Variants in ZNF469 observed in about 807,000 individuals in gnomAD.
ZNF469 encodes zinc finger protein 469.
A neutral mutation model predicts 1.0 loss-of-function variants in ZNF469; 1 was observed. The ratio of observed to expected loss-of-function variants is 1.00; its 90% confidence interval spans 0.35 to 4.73. The LOEUF is 4.73. Among genes scored for constraint, ZNF469 ranks in the 30% most tolerant of loss-of-function variants. The probability of loss-of-function intolerance (pLI) is 0.16; values close to 1 mark genes in which losing one functional copy is unlikely to be tolerated. For missense variants in ZNF469, 6,100 were observed against 5,356.3 expected (o/e 1.14, Z -4.33); for synonymous variants, 2,703 against 2,363.4 (o/e 1.14, Z -4.17).
At chr16:88,341,241 C>T in the ZNF469 span, among the ~76,000 whole-genome samples, 83 of 152,330 alleles carry the variant, frequency 5.4e-4, no homozygotes, top group African/African-American at 1.9e-3. Context: ...GTTCAATGCC[C>T]GCCTGGTGCA....
At chr16:88,177,673 A>G in the ZNF469 span, 1 of 152,090 alleles carries the variant, frequency 6.6e-6, no homozygotes, top group African/African-American at 2.4e-5. This position sits in a 1 kb window ranked among gnomAD's most constrained non-coding sequence, Gnocchi z 4.8. Flanking sequence ...CTCGCTCACC[A>G]GATTCCTCCT....
the ZNF469 span, among the ~76,000 whole-genome samples, chr16:88,355,805 G>C: frequency 6.6e-6 from 1 of 152,216 alleles, no homozygotes; most frequent in Admixed American, 6.5e-5. Context: ...CAGGAGGCAG[G>C]ATGGACCTGG....
the ZNF469 span, among the ~76,000 whole-genome samples, chr16:88,216,376 C>T: frequency 6.6e-6 from 1 of 151,986 alleles, no homozygotes; most frequent in Non-Finnish European, 1.5e-5. Context: ...TGCCTGTAGT[C>T]CCAGCTACTT....
At chr16:88,269,241 C>A in the ZNF469 span, among the ~76,000 whole-genome samples, 5 of 152,122 alleles carry the variant, frequency 3.3e-5, no homozygotes, top group African/African-American at 1.2e-4. Context: ...TTTCTCTGCG[C>A]CTTAGCTTCT....
At chr16:88,120,899 G>C in the ZNF469 span, among the ~76,000 whole-genome samples, 1 of 152,320 alleles carries the variant, frequency 6.6e-6, no homozygotes, top group African/African-American at 2.4e-5. Flanking sequence ...CCGAGGGTGG[G>C]AGGCCGTGTG....
At chr16:88,376,438 G>A in the ZNF469 span, among the ~76,000 whole-genome samples, 2 of 152,136 alleles carry the variant, frequency 1.3e-5, no homozygotes, top group South Asian at 2.1e-4. Context: ...CCCTCTCCTC[G>A]CCTGCCCCAG....
At position 88,429,499 on chromosome 16, in the gene ZNF469, G is replaced by C. The variant is rs1245325065; in HGVS notation, c.2029G>C (p.Gly677Arg). The part of the protein sequence containing the change: ...KAFPFPADGL[G>R]AEGAFQCLEE... ...CTTCCCTTTTCCCGCAGATGGGCTGGGAGCCGAGGGTGCCTTCCAGTGCCT... is the reference window on the plus strand; with the variant it reads ...CTTCCCTTTTCCCGCAGATGGGCTGCGAGCCGAGGGTGCCTTCCAGTGCCT... The change falls in exon 3 of 3, where the codon GGA becomes CGA. Residue 677 changes from glycine to arginine, a missense_variant. Coordinates refer to ENST00000565624, the MANE Select transcript of ZNF469 (RefSeq NM_001367624.2). 3.2e-6 allele frequency: 5 copies of C among 1,549,984 alleles called. No homozygotes were observed. The highest frequency in any genetic ancestry group is 3.5e-6 in the Non-Finnish European group (4 of 1,146,864).
At chr16:88,407,347 C>A (rs955471442) in intron 1 of ZNF469, among the ~76,000 whole-genome samples, 4 of 151,392 alleles carry the variant, frequency 2.6e-5, no homozygotes, top group African/African-American at 9.7e-5. Flanking sequence ...GCAGGGCTCA[C>A]GGTACCCTCT....
At chr16:88,193,117 ATGG>A in the ZNF469 span, among the ~76,000 whole-genome samples, 518 of 66,936 alleles carry the variant, frequency 7.7e-3, 6 homozygotes, top group Middle Eastern at 9.6e-3. Context: ...GGTGGTGGTG[ATGG>A]TGGTGGTGGT....
the ZNF469 span, among the ~76,000 whole-genome samples, chr16:88,259,983 GT>G: frequency 6.6e-5 from 10 of 151,026 alleles, no homozygotes; most frequent in Admixed American, 5.3e-4. The surrounding 1 kb of genome is among the most constrained non-coding windows in gnomAD (Gnocchi z 4.1). Flanking sequence ...TTGTTTTTTT[GT>G]TTTTTTGTTT....
chr16:88,375,238 C>G, the ZNF469 span, among the ~76,000 whole-genome samples: 1 of 152,368 alleles, frequency 6.6e-6, no homozygotes, highest in South Asian at 2.1e-4. Flanking sequence ...TCCATCCGGA[C>G]TCAGGCTGGG....
chr16:88,421,119 C>G (rs1333615683), intron 1 of ZNF469, among the ~76,000 whole-genome samples: 1 of 150,298 alleles, frequency 6.7e-6, no homozygotes, highest in East Asian at 2.0e-4. Flanking sequence ...GGAGGTGAGG[C>G]GAAGAGGGTT....
chr16:88,105,477 G>A, the ZNF469 span, among the ~76,000 whole-genome samples: 2 of 151,920 alleles, frequency 1.3e-5, no homozygotes, highest in African/African-American at 4.8e-5. Context: ...GCTAATTTTC[G>A]TATTTTTAGT....
chr16:88,391,438 A>T (rs1567498649), intron 1 of ZNF469, among the ~76,000 whole-genome samples: 2 of 152,234 alleles, frequency 1.3e-5, no homozygotes, highest in Non-Finnish European at 2.9e-5. Flanking sequence ...GCCCTGGGGA[A>T]CAGCGAATTC....
At chr16:88,280,850 C>T in the ZNF469 span, among the ~76,000 whole-genome samples, 3 of 145,520 alleles carry the variant, frequency 2.1e-5, no homozygotes, top group Admixed American at 6.8e-5. Context: ...GTGCTGGTGT[C>T]GGTGCACAGG....
chr16:88,210,800 A>G, the ZNF469 span, among the ~76,000 whole-genome samples: 1 of 152,162 alleles, frequency 6.6e-6, no homozygotes, highest in Admixed American at 6.5e-5. Flanking sequence ...TCGGTCCCAC[A>G]CTTTTTTCTC....
Position 88,432,183 on chromosome 16 carries a change from A to G in ZNF469, c.4713A>G (p.Leu1571=), listed in dbSNP as rs1296920730. The change falls in exon 3 of 3, where the codon TTA becomes TTG. Residue 1571 remains leucine (L), a synonymous_variant. Coordinates refer to ENST00000565624, the MANE Select transcript of ZNF469 (RefSeq NM_001367624.2). ...ELEIQKLVTE[L]ESQLQRSKDT... is the part of the protein sequence containing the mutation. ...AGATCCAGAAATTGGTCACCGAATT[A>G]GAAAGTCAGCTGCAAAGGAGCAAAG... The G allele has an allele frequency of 6.5e-7, 1 of 1,550,262 alleles. No individual in the cohort carries two copies. The highest frequency in any genetic ancestry group is 8.7e-7 in the Non-Finnish European group (1 of 1,147,008).
At position 88,433,990 on chromosome 16, in the gene ZNF469, C is replaced by A. The variant is rs1172302861; in HGVS notation, c.6520C>A (p.Pro2174Thr). The A allele has an allele frequency of 6.5e-7, 1 of 1,550,292 alleles. No homozygotes were observed. The highest frequency in any genetic ancestry group is 2.0e-5 in the Admixed American group (1 of 51,012). ...GCTGGCCTGTTCTCCTGCCTGGGCACCTCTGGAAGAGGCAGATGGCGTCCA... is the reference window on the plus strand; with the variant it reads ...GCTGGCCTGTTCTCCTGCCTGGGCAACTCTGGAAGAGGCAGATGGCGTCCA... ...QLLACSPAWA[P>T]LEEADGVQAT... The change falls in exon 3 of 3, where the codon CCT becomes ACT. Residue 2174 changes from proline to threonine, a missense_variant. By Grantham distance (38) the Pro-to-Thr change is conservative. Coordinates refer to ENST00000565624, the MANE Select transcript of ZNF469 (RefSeq NM_001367624.2).
chr16:88,162,938 T>C, the ZNF469 span, among the ~76,000 whole-genome samples: 1 of 152,190 alleles, frequency 6.6e-6, no homozygotes, highest in Non-Finnish European at 1.5e-5. Flanking sequence ...CAAGGCCCTT[T>C]AAAGTTGGAT....
Sources: gnomAD v4.1 joint callset for allele counts (sites outside exome capture counted in the v4.1 genomes callset) on GRCh38, gnomAD v4.1.1 for gene constraint, Gnocchi (gnomAD v3.1) non-coding constraint, MANE v1.5 for transcripts, NCBI Gene and HGNC (gene_info 2026-07-23, HGNC 2026-07-21) for gene names.